Variants in AGBL5 observed in about 807,000 individuals in gnomAD.
AGBL5 encodes the protein AGBL carboxypeptidase 5.
In AGBL5, 51 loss-of-function variants were observed where a neutral mutation model predicts 88.0. The observed-to-expected ratio is 0.58, with a 90% CI of 0.46 to 0.73. The LOEUF (loss-of-function observed/expected upper bound fraction) is 0.73, where lower values mean the gene tolerates loss of function less well. Ranked by LOEUF, AGBL5 falls within the 30% of genes least tolerant of loss-of-function variation. The probability of loss-of-function intolerance (pLI) is 0.00; values close to 1 mark genes in which losing one functional copy is unlikely to be tolerated. For synonymous variants in AGBL5, 446 were observed against 438.8 expected, an observed-to-expected ratio of 1.02 and a Z score of -0.21; for missense variants, 1,031 against 1,162.2, an observed-to-expected ratio of 0.89 and a Z score of 1.64.
chr2:27,060,648 G>C (rs895795438), intron 11 of AGBL5, among the ~76,000 whole-genome samples: 1 of 152,134 alleles, frequency 6.6e-6, no homozygotes, highest in Non-Finnish European at 1.5e-5. Context: ...GTGTAAATCT[G>C]ACTGCTAGTG....
chr2:27,060,304 G>T (rs1209486227), intron 11 of AGBL5, among the ~76,000 whole-genome samples: 1 of 152,188 alleles, frequency 6.6e-6, no homozygotes, highest in Non-Finnish European at 1.5e-5. Context: ...TAACCCCCAG[G>T]TTTTGCCTGA....
In AGBL5 at chr2:27,056,813, T is replaced by C. The variant is rs150351136; in HGVS notation, c.1535+21T>C. On this transcript the variant is annotated intron_variant, in intron 8 of 14. Transcript: ENST00000360131. ...CACAGGTTGGGTGGAAGCTGAGATA[T>C]AGTTGATGAAATAGCTTCCCTAAAG... The C allele has an allele frequency of 3.3e-4, 519 of 1,577,862 alleles. 1 individual carries two copies. In the African/African-American group the frequency reaches 6.1e-3, roughly 19 times the overall value.
chr2:27,067,252 TAAAAAAA>T (rs36064257), intron 11 of AGBL5, among the ~76,000 whole-genome samples: 12 of 104,480 alleles, frequency 1.1e-4, no homozygotes, highest in Admixed American at 4.2e-4. Context: ...TGGAAACCTT[TAAAAAAA>T]AAAAAAAAAA....
chr2:27,068,495 G>A (rs948962269), intron 12 of AGBL5, 137 bp from the exon 13 acceptor site: 1 of 678,624 alleles, frequency 1.5e-6, no homozygotes, highest in Non-Finnish European at 2.5e-6. Flanking sequence ...ATCCTACAAT[G>A]CACAAGACTA....
At chr2:27,060,251 A>G (rs565531751) in intron 11 of AGBL5, among the ~76,000 whole-genome samples, 1 of 152,374 alleles carries the variant, frequency 6.6e-6, no homozygotes, top group African/African-American at 2.4e-5. Context: ...GCAGCAGTCT[A>G]GCTCTTTCCA....
At chr2:27,059,024 A>AG (rs976607699) in intron 10 of AGBL5, among the ~76,000 whole-genome samples, 166 bp from the exon 11 acceptor site, 28 of 152,234 alleles carry the variant, frequency 1.8e-4, no homozygotes, top group African/African-American at 6.5e-4. Context: ...GGTATTCCCC[A>AG]GGTTAGATAC....
At chr2:27,054,606 G>T in intron 4 of AGBL5, 24 bp from the exon 5 acceptor site, 1 of 1,603,896 alleles carries the variant, frequency 6.2e-7, no homozygotes, top group Non-Finnish European at 8.5e-7. Context: ...GACTTCTCCT[G>T]GCTTAATTTT....
rs1668299490 is a variant in AGBL5 at position 27,053,893 on chromosome 2, C to G, written c.388-3C>G. 6.2e-7 allele frequency: 1 copy of G among 1,611,678 alleles called. No homozygotes were observed. Among genetic ancestry groups the G allele is most frequent in the Non-Finnish European group, 8.5e-7 (1 of 1,178,484 alleles). ...CCCTCCCTCTTCCTCCTCTGCTCTT[C>G]AGATGACAGAGACGCAGTTTGTGTT... On this transcript the variant is annotated splice_region_variant and splice_polypyrimidine_tract_variant and intron_variant, in intron 3 of 14. Transcript: ENST00000360131. The surrounding 1 kb of genome is among the most constrained non-coding windows in gnomAD (Gnocchi z 4.9).
chr2:27,051,282 C>T (rs550661656), upstream of AGBL5: 7 of 152,340 alleles, frequency 4.6e-5, no homozygotes, highest in East Asian at 3.9e-4. Context: ...TGCCCGCATC[C>T]TCCACTCAGC....
intron 10 of AGBL5, 97 bp downstream of exon 10, chr2:27,058,699 C>A: frequency 7.5e-7 from 1 of 1,332,534 alleles, no homozygotes; most frequent in African/African-American, 1.5e-5. Context: ...CCATCCTCCT[C>A]AAAGTGCCAA....
At chr2:27,059,043 C>T (rs1336947587) in intron 10 of AGBL5, 147 bp from the exon 11 acceptor site, 6 of 781,596 alleles carry the variant, frequency 7.7e-6, no homozygotes, top group Non-Finnish European at 1.3e-5. Context: ...ACTTCATCCA[C>T]GGACATGAAT....
Position 27,058,463 on chromosome 2 carries a change from G to C in AGBL5, c.1735G>C (p.Val579Leu), listed in dbSNP as rs368664812. 3 of 1,613,982 alleles carry C rather than the reference G, an allele frequency of 1.9e-6. No individual in the cohort carries two copies. The African/African-American group carries it at 4.0e-5, about 22-fold the overall frequency. ...MAECNPWPRI[V>L]LSEHSSLTNL... ...GGAATGTAATCCGTGGCCCCGAATTGTACTGTCAGAGCACAGCAGCCTTAC... is the reference window on the plus strand; with the variant it reads ...GGAATGTAATCCGTGGCCCCGAATTCTACTGTCAGAGCACAGCAGCCTTAC... The change falls in exon 10 of 15, where the codon GTA (valine) becomes CTA (leucine). Residue 579 changes from valine to leucine, a missense_variant. This residue lies in a region of AGBL5 where 491 missense variants were observed against 484.0 expected (regional missense o/e 1.01). Coordinates refer to ENST00000360131, the MANE Select transcript of AGBL5 (RefSeq NM_021831.6).
intron 8 of AGBL5, 87 bp from the exon 9 acceptor site, chr2:27,057,216 G>T: frequency 7.0e-7 from 1 of 1,421,116 alleles, no homozygotes; most frequent in Non-Finnish European, 9.5e-7. Flanking sequence ...CCAAGTGATT[G>T]CCTCCTTTGA....
At position 27,065,184 on chromosome 2, in the gene AGBL5, C is replaced by T. The variant is rs548940454; in HGVS notation, c.2090-2310C>T. Among the ~76,000 whole-genome samples the T allele has an allele frequency of 3.3e-5, 5 of 152,272 alleles. No individual in the cohort carries two copies. The East Asian group carries it at 5.8e-4, about 18-fold the overall frequency. On this transcript the variant is annotated intron_variant, in intron 11 of 14. Coordinates refer to ENST00000360131, the MANE Select transcript of AGBL5 (RefSeq NM_021831.6). Reference sequence around the variant, plus strand: ...AACACGTTTATTAATGGTCAGTTGGCATGCTGGCACCTCTGGTGAATTCAG... The same window carrying T: ...AACACGTTTATTAATGGTCAGTTGGTATGCTGGCACCTCTGGTGAATTCAG...
intron 13 of AGBL5, 114 bp downstream of exon 13, chr2:27,068,858 C>G (rs1669126763): frequency 6.6e-7 from 1 of 1,518,306 alleles, no homozygotes; most frequent in Admixed American, 2.0e-5. Flanking sequence ...CTACCCTTGG[C>G]CACATCAGAG....
In AGBL5 at chr2:27,054,736, C is replaced by G. The variant is rs1339489536; in HGVS notation, c.658C>G (p.Arg220Gly). 2 of 1,613,916 alleles carry G rather than the reference C, an allele frequency of 1.2e-6. No individual in the cohort carries two copies. The highest frequency in any genetic ancestry group is 1.7e-6 in the Non-Finnish European group (2 of 1,180,002). ...ITSCHGLRED[R>G]EPRLEQLFPD... ...TTCCTGCCATGGGCTTCGAGAAGAT[C>G]GAGAGCCCCGTCTAGAGCAGCTATT... is the stretch of plus-strand genomic sequence containing the variant. The change falls in exon 5 of 15, where the codon CGA becomes GGA. Residue 220 changes from arginine (R) to glycine (G), a missense_variant. Coordinates refer to ENST00000360131, the MANE Select transcript of AGBL5 (RefSeq NM_021831.6).
intron 13 of AGBL5, chr2:27,069,207 A>G (rs1669148051): frequency 8.9e-6 from 12 of 1,348,098 alleles, no homozygotes; most frequent in Non-Finnish European, 1.2e-5. Flanking sequence ...GGATGGGTGA[A>G]GTGTACACTG....
chr2:27,070,002 C>T (rs1669198560), intron 14 of AGBL5, 90 bp from the exon 15 acceptor site: 5 of 1,536,822 alleles, frequency 3.3e-6, no homozygotes, highest in Non-Finnish European at 4.4e-6. Flanking sequence ...TCATCTCGCT[C>T]CACTTCTTTC....
chr2:27,063,144 T>C (rs1256824137), intron 11 of AGBL5, among the ~76,000 whole-genome samples: 1 of 152,208 alleles, frequency 6.6e-6, no homozygotes, highest in Non-Finnish European at 1.5e-5. Flanking sequence ...AAGAGGGCTT[T>C]AAGGCTACTT....
Sources: gnomAD v4.1 joint callset for allele counts (sites outside exome capture counted in the v4.1 genomes callset) on GRCh38, gnomAD v4.1.1 for gene constraint, gnomAD v4.1.1 regional missense constraint, Gnocchi (gnomAD v3.1) non-coding constraint, MANE v1.5 for transcripts, NCBI Gene and HGNC (gene_info 2026-07-23, HGNC 2026-07-21) for gene names.